Variants in ZNF766 observed in about 807,000 individuals in gnomAD.
The protein encoded by ZNF766 is zinc finger protein 766.
In ZNF766, 13 loss-of-function variants were observed where a neutral mutation model predicts 13.2. The observed-to-expected ratio is 0.98, with a 90% CI of 0.64 to 1.56. The LOEUF (loss-of-function observed/expected upper bound fraction) is 1.56, where lower values mean the gene tolerates loss of function less well. ZNF766 is among the 40% of genes most tolerant of loss of function. ZNF766 has a pLI of 0.00. For missense variants in ZNF766, 521 were observed against 552.2 expected (o/e 0.94, Z 0.57); for synonymous variants, 178 against 187.6 (o/e 0.95, Z 0.42).
intron 1 of ZNF766, among the ~76,000 whole-genome samples, chr19:52,280,896 G>A (rs531877836): frequency 9.2e-4 from 137 of 149,620 alleles, no homozygotes; most frequent in Non-Finnish European, 7.4e-5. Context: ...GATGGCTCAC[G>A]CCTGTAATCC....
rs1026536169 is a variant in ZNF766 at position 52,284,160 on chromosome 19, A to C, written c.274+747A>C. 2.0e-5 allele frequency among the ~76,000 whole-genome samples: 3 copies of C among 152,142 alleles called. No individual in the cohort carries two copies. In the East Asian group the frequency reaches 5.8e-4, roughly 29 times the overall value. The stretch of plus-strand genomic sequence containing the variant: ...ATACCCTGTCATGTGGCTTCTGTCA[A>C]CTCTTTAGTCCTTGATTCTGAGGGT... On this transcript the variant is annotated intron_variant, in intron 3 of 3. Coordinates refer to ENST00000439461, the MANE Select transcript of ZNF766 (RefSeq NM_001010851.3).
Position 52,291,073 on chromosome 19 carries a change from A to C in ZNF766, c.1282A>C (p.Asn428His). Residue 428 changes from asparagine to histidine, a missense_variant, in exon 4 of 4, where the codon AAT (asparagine) becomes CAT (histidine). By Grantham distance (68) the Asn-to-His change is moderately conservative. Coordinates refer to ENST00000439461, the MANE Select transcript of ZNF766 (RefSeq NM_001010851.3). Reference sequence around the variant, plus strand: ...CTTCACTCAGAATTCACACCTTGCAAATCATCAGAGAATCCACACTGGAGA... The same window carrying C: ...CTTCACTCAGAATTCACACCTTGCACATCATCAGAGAATCCACACTGGAGA... ...KVFTQNSHLA[N>H]HQRIHTGEKP... 2 of 1,614,088 alleles carry C rather than the reference A, an allele frequency of 1.2e-6. No individual in the cohort carries two copies. Among genetic ancestry groups the C allele is most frequent in the Middle Eastern group, 1.6e-4 (1 of 6,062 alleles).
At position 52,290,227 on chromosome 19, in the gene ZNF766, G is replaced by T. The variant is rs769654388; in HGVS notation, c.436G>T (p.Val146Phe). The T allele has an allele frequency of 6.2e-7, 1 of 1,613,980 alleles. No homozygotes were observed. The highest frequency in any genetic ancestry group is 2.2e-5 in the East Asian group (1 of 44,890). ...AAAGTTCATCAGCCACAGTTCTTCA[G>T]TTTCGCCACTTCAAAGAATTTACTC... Reference protein sequence around the residue: ...VQKFISHSSSVSPLQRIYSGV... With the variant: ...VQKFISHSSSFSPLQRIYSGV... Residue 146 changes from valine (V) to phenylalanine (F), a missense_variant, in exon 4 of 4, where the codon GTT becomes TTT. Coordinates refer to ENST00000439461, the MANE Select transcript of ZNF766 (RefSeq NM_001010851.3).
At chr19:52,278,776 C>T (rs184031010) in intron 1 of ZNF766, among the ~76,000 whole-genome samples, 1 of 152,148 alleles carries the variant, frequency 6.6e-6, no homozygotes, top group Non-Finnish European at 1.5e-5. Context: ...GGATATTAGA[C>T]CTTTGTTAGA....
At chr19:52,288,270 C>A (rs756723161) in intron 3 of ZNF766, among the ~76,000 whole-genome samples, 4 of 152,204 alleles carry the variant, frequency 2.6e-5, no homozygotes, top group Non-Finnish European at 4.4e-5. Context: ...ATCCACCCGC[C>A]TTGGCCTCCC....
intron 3 of ZNF766, 34 bp downstream of exon 3, chr19:52,283,447 C>CTT (rs527871489): frequency 5.5e-3 from 7,387 of 1,354,276 alleles, no homozygotes; most frequent in Admixed American, 8.0e-3. Context: ...GAAAGCCACA[C>CTT]TTTTTTTTTT....
chr19:52,269,751 A>G (rs1184222992), intron 1 of ZNF766, 120 bp downstream of exon 1: 1 of 1,298,144 alleles, frequency 7.7e-7, no homozygotes, highest in African/African-American at 1.5e-5. Flanking sequence ...CACCCCGAGT[A>G]AATTCATGCG....
intron 3 of ZNF766, among the ~76,000 whole-genome samples, chr19:52,288,526 CCTCA>C (rs1302809443): frequency 3.3e-5 from 5 of 151,920 alleles, no homozygotes; most frequent in African/African-American, 1.2e-4. Flanking sequence ...CGACACTGTG[CCTCA>C]CTAATTAAAA....
At chr19:52,275,616 C>T (rs1411848367) in intron 1 of ZNF766, 5 of 152,122 alleles carry the variant, frequency 3.3e-5, no homozygotes, top group African/African-American at 9.6e-5. Context: ...TGGTAAGTGC[C>T]CTAGACAAGT....
intron 1 of ZNF766, among the ~76,000 whole-genome samples, chr19:52,270,171 C>G (rs1208434695): frequency 6.6e-6 from 1 of 152,156 alleles, no homozygotes; most frequent in Non-Finnish European, 1.5e-5. Context: ...ACCCAGTGTT[C>G]TTCCGTCCCA....
At chr19:52,276,911 CCAGCTCCCCACTGCTG>C (rs1981229607) in intron 1 of ZNF766, among the ~76,000 whole-genome samples, 1 of 152,142 alleles carries the variant, frequency 6.6e-6, no homozygotes, top group South Asian at 2.1e-4. Context: ...TTAGTCCAGC[CCAGCTCCCCACTGCTG>C]CAGTGTGTGT....
chr19:52,289,994 C>G (rs1982037752), intron 3 of ZNF766, 72 bp from the exon 4 acceptor site: 1 of 1,496,552 alleles, frequency 6.7e-7, no homozygotes, highest in Admixed American at 2.3e-5. Context: ...AAGCCAGACT[C>G]CAACTCAAAA....
In ZNF766 at chr19:52,290,973, A is replaced by G. The variant is rs775354894; in HGVS notation, c.1182A>G (p.Gln394=). ...KCHECGKVFT[Q]VSHLARHQKI... Reference sequence around the variant, plus strand: ...ATGAATGTGGCAAAGTCTTCACTCAAGTTTCACATCTTGCACGACATCAGA... The same window carrying G: ...ATGAATGTGGCAAAGTCTTCACTCAGGTTTCACATCTTGCACGACATCAGA... Residue 394 remains glutamine, a synonymous_variant, in exon 4 of 4, where the codon CAA becomes CAG. Transcript: ENST00000439461. The G allele has an allele frequency of 1.9e-6, 3 of 1,614,062 alleles. No homozygotes were observed. The highest frequency in any genetic ancestry group is 2.5e-6 in the Non-Finnish European group (3 of 1,180,002).
intron 3 of ZNF766, among the ~76,000 whole-genome samples, chr19:52,285,419 CTGGCTTCCAG>C (rs1329779418): frequency 1.3e-5 from 2 of 152,230 alleles, no homozygotes; most frequent in Non-Finnish European, 2.9e-5. Flanking sequence ...TTCTGACCAA[CTGGCTTCCAG>C]TTGAGGTTTC....
intron 1 of ZNF766, among the ~76,000 whole-genome samples, chr19:52,278,657 A>G (rs1359234738): frequency 6.6e-6 from 1 of 152,180 alleles, no homozygotes; most frequent in Non-Finnish European, 1.5e-5. Flanking sequence ...CAACTGCCTC[A>G]GCCTCCCAAA....
chr19:52,275,984 C>G (rs1053562781), intron 1 of ZNF766, among the ~76,000 whole-genome samples: 2 of 152,142 alleles, frequency 1.3e-5, no homozygotes, highest in African/African-American at 4.8e-5. Flanking sequence ...CCTGGCCTTA[C>G]TGTACCTTTT....
chr19:52,270,199 A>G (rs1487108352), intron 1 of ZNF766, among the ~76,000 whole-genome samples: 1 of 152,162 alleles, frequency 6.6e-6, no homozygotes, highest in African/African-American at 2.4e-5. Context: ...CCCATTGGAA[A>G]CTGTGCTCTT....
chr19:52,291,883 T>C lies in ZNF766; in HGVS notation c.*685T>C. The C allele has an allele frequency of 2.4e-6, 1 of 408,756 alleles. No homozygotes were observed. The highest frequency in any genetic ancestry group is 4.8e-5 in the South Asian group (1 of 21,008). 25.3% of individuals were successfully genotyped at this position (408,756 alleles called of 1,614,324 possible). A position where few individuals can be genotyped will look rare whatever the true frequency, so the allele number is the denominator to read the frequency against. ...TGATGCCTGGAGATCAAGATAAGTA[T>C]GGGCAACGTAGCAAGGCCCATCCCT... On this transcript the variant is annotated 3_prime_UTR_variant, in exon 4 of 4. Transcript: ENST00000439461.
intron 1 of ZNF766, among the ~76,000 whole-genome samples, chr19:52,271,980 C>CAAAAAAAAAAAAAAAAAAAAAAAAA (rs371229113): frequency 1.1e-5 from 1 of 89,196 alleles, no homozygotes; most frequent in African/African-American, 4.3e-5. Flanking sequence ...GAGACTGTCT[C>CAAAAAAAAAAAAAAAAAAAAAAAAA]AAAAAAAAAA....
Sources: gnomAD v4.1 joint callset for allele counts (sites outside exome capture counted in the v4.1 genomes callset) on GRCh38, gnomAD v4.1.1 for gene constraint, MANE v1.5 for transcripts, NCBI Gene and HGNC (gene_info 2026-07-23, HGNC 2026-07-21) for gene names.